SIK2: variants seen among roughly 807,000 people sequenced by gnomAD.
SIK2 encodes the protein serine/threonine-protein kinase SIK2.
In SIK2, 29 loss-of-function variants were observed where a neutral mutation model predicts 103.2. The observed-to-expected ratio is 0.28, with a 90% CI of 0.21 to 0.38. The LOEUF (loss-of-function observed/expected upper bound fraction) is 0.38, where lower values mean the gene tolerates loss of function less well. Ranked by LOEUF, SIK2 falls within the 10% of genes least tolerant of loss-of-function variation. The pLI is 1.00. For synonymous variants in SIK2, 412 were observed against 446.1 expected (o/e 0.92, Z 0.96); for missense variants, 879 against 1,171.0 (o/e 0.75, Z 3.64).
At position 111,712,385 on chromosome 11, in the gene SIK2, T is replaced by C. The variant is rs1943524626; in HGVS notation, c.1266+10T>C. 6 of 1,609,466 alleles carry C rather than the reference T, an allele frequency of 3.7e-6. No homozygotes were observed. Among genetic ancestry groups the C allele is most frequent in the South Asian group, 1.1e-5 (1 of 90,772 alleles). ...TGTGGACACTCCAAAGGTACGGCTATGTTTGAGAGTCTCAGAACTGGCAGT... is the reference window on the plus strand; with the variant it reads ...TGTGGACACTCCAAAGGTACGGCTACGTTTGAGAGTCTCAGAACTGGCAGT... On this transcript the variant is annotated intron_variant, in intron 9 of 14. Coordinates refer to ENST00000304987, the MANE Select transcript of SIK2 (RefSeq NM_015191.3).
chr11:111,679,371 A>T (rs968978672), intron 3 of SIK2, among the ~76,000 whole-genome samples: 4 of 152,234 alleles, frequency 2.6e-5, no homozygotes, highest in Non-Finnish European at 5.9e-5. Flanking sequence ...CTGATTCAGA[A>T]TCTAACAGAT....
chr11:111,724,342 CAT>C lies in SIK2; in HGVS notation c.*215_*216del. The stretch of plus-strand genomic sequence containing the variant: ...AAGTTTTCTGTGGCAAGTGCTGGAA[CAT>C]AGTTGTAGGCTGAGGCTCCTGCCCT... On this transcript the variant is annotated 3_prime_UTR_variant, in exon 15 of 15. Coordinates refer to ENST00000304987, the MANE Select transcript of SIK2 (RefSeq NM_015191.3). 1.5e-6 allele frequency: 1 copy of C among 656,466 alleles called. No individual in the cohort carries two copies. Among genetic ancestry groups the C allele is most frequent in the East Asian group, 2.9e-5 (1 of 34,612 alleles). The allele number at this position is 656,466 out of a possible 1,614,324, so 40.7% of individuals were successfully genotyped here.
chr11:111,641,176 A>G (rs1055612090), intron 3 of SIK2, among the ~76,000 whole-genome samples: 7 of 151,780 alleles, frequency 4.6e-5, no homozygotes, highest in African/African-American at 1.7e-4. Flanking sequence ...TGTCTATCTC[A>G]TTTTCCTGTC....
At chr11:111,684,671 A>C (rs1942822165) in intron 3 of SIK2, among the ~76,000 whole-genome samples, 1 of 152,224 alleles carries the variant, frequency 6.6e-6, no homozygotes, top group Admixed American at 6.5e-5. Flanking sequence ...TGTAGAAGTG[A>C]GCCTCTGGTT....
intron 2 of SIK2, among the ~76,000 whole-genome samples, chr11:111,616,608 T>C (rs1395426789): frequency 6.6e-6 from 1 of 152,114 alleles, no homozygotes; most frequent in Admixed American, 6.6e-5. Flanking sequence ...CCCAACAGTT[T>C]GGGAGGCTGA....
intron 9 of SIK2, among the ~76,000 whole-genome samples, chr11:111,712,830 A>G (rs573400130): frequency 4.9e-4 from 75 of 152,208 alleles, no homozygotes; most frequent in Non-Finnish European, 8.8e-4. Flanking sequence ...TTTTGTGATC[A>G]GTTATACATG....
intron 3 of SIK2, among the ~76,000 whole-genome samples, chr11:111,626,621 A>G (rs953302013): frequency 2.0e-5 from 3 of 146,766 alleles, no homozygotes; most frequent in Non-Finnish European, 4.5e-5. Flanking sequence ...TCTATTTTTC[A>G]TTTTCTTCAG....
At chr11:111,685,926 T>TA (rs1229226922) in intron 3 of SIK2, among the ~76,000 whole-genome samples, 1 of 152,082 alleles carries the variant, frequency 6.6e-6, no homozygotes, top group African/African-American at 2.4e-5. Flanking sequence ...CTTAATATAA[T>TA]AAAAAAATTA....
At chr11:111,685,002 G>C (rs1366053865) in intron 3 of SIK2, among the ~76,000 whole-genome samples, 1 of 152,238 alleles carries the variant, frequency 6.6e-6, no homozygotes, top group Non-Finnish European at 1.5e-5. Flanking sequence ...CTTATGCTTA[G>C]TGCTAAGCAT....
chr11:111,713,148 G>C (rs1269196265), intron 9 of SIK2, among the ~76,000 whole-genome samples: 2 of 152,116 alleles, frequency 1.3e-5, no homozygotes, highest in African/African-American at 2.4e-5. Context: ...CTGGGTGACA[G>C]AGTGAGACTC....
At chr11:111,657,509 C>A (rs569674035) in intron 3 of SIK2, among the ~76,000 whole-genome samples, 2 of 152,284 alleles carry the variant, frequency 1.3e-5, no homozygotes, top group East Asian at 1.9e-4. Flanking sequence ...CCCACCCCAG[C>A]CTCCAGAGTA....
chr11:111,616,377 A>G lies in SIK2; in HGVS notation c.252+18A>G. The G allele has an allele frequency of 7.4e-7, 1 of 1,348,772 alleles. No homozygotes were observed. Among genetic ancestry groups the G allele is most frequent in the Non-Finnish European group, 1.1e-6 (1 of 940,196 alleles). The allele number at this position is 1,348,772 out of a possible 1,614,324, so 83.6% of individuals were successfully genotyped here. ...TTTATCAGGTATGACTCAGCCTAAC[A>G]CTATCTCCATTCATTCCACAAGATA... On this transcript the variant is annotated intron_variant, in intron 2 of 14. Coordinates refer to ENST00000304987, the MANE Select transcript of SIK2 (RefSeq NM_015191.3).
intron 3 of SIK2, among the ~76,000 whole-genome samples, chr11:111,648,832 C>A (rs1942291398): frequency 6.6e-6 from 1 of 152,004 alleles, no homozygotes; most frequent in Admixed American, 6.6e-5. Flanking sequence ...AAAATAGGTA[C>A]TGTATTTTCA....
At chr11:111,626,892 G>A (rs1163667477) in intron 3 of SIK2, among the ~76,000 whole-genome samples, 1 of 152,046 alleles carries the variant, frequency 6.6e-6, no homozygotes, top group African/African-American at 2.4e-5. Flanking sequence ...CTTCAGAGCT[G>A]TTTTAATGTT....
At chr11:111,624,601 C>G (rs1394056838) in intron 3 of SIK2, among the ~76,000 whole-genome samples, 3 of 152,140 alleles carry the variant, frequency 2.0e-5, no homozygotes, top group Non-Finnish European at 2.9e-5. Context: ...AAACCAATTA[C>G]TTGTCACACA....
At chr11:111,622,154 CTATT>C (rs775934370) in intron 3 of SIK2, among the ~76,000 whole-genome samples, 16 of 149,526 alleles carry the variant, frequency 1.1e-4, no homozygotes, top group Non-Finnish European at 2.1e-4. Context: ...AAAATTGCAT[CTATT>C]TATCAATGCA....
At chr11:111,614,450 C>A (rs1186420436) in intron 1 of SIK2, among the ~76,000 whole-genome samples, 1 of 152,060 alleles carries the variant, frequency 6.6e-6, no homozygotes, top group Non-Finnish European at 1.5e-5. Flanking sequence ...CAGAAACAGT[C>A]CATTAACACA....
At chr11:111,714,001 A>C (rs1465072679) in intron 9 of SIK2, among the ~76,000 whole-genome samples, 1 of 152,190 alleles carries the variant, frequency 6.6e-6, no homozygotes, top group Admixed American at 6.5e-5. Context: ...TCAGTCCTTT[A>C]AGGAAGTATA....
At position 111,696,935 on chromosome 11, in the gene SIK2, C is replaced by T. The variant is rs182608301; in HGVS notation, c.479-3951C>T. On this transcript the variant is annotated intron_variant, in intron 4 of 14. Coordinates refer to ENST00000304987, the MANE Select transcript of SIK2 (RefSeq NM_015191.3). ...TCACTATATGCATTTAGGCAGAAAG[C>T]TGCAGACTGGGTGAAGCAAGTTATC... is the stretch of plus-strand genomic sequence containing the variant. 2.7e-3 allele frequency among the ~76,000 whole-genome samples: 404 copies of T among 152,320 alleles called. 4 individuals carry two copies. Among genetic ancestry groups the T allele is most frequent in the Non-Finnish European group, 4.3e-3 (292 of 68,018 alleles).
Sources: gnomAD v4.1 joint callset for allele counts (sites outside exome capture counted in the v4.1 genomes callset) on GRCh38, gnomAD v4.1.1 for gene constraint, MANE v1.5 for transcripts, NCBI Gene and HGNC (gene_info 2026-07-23, HGNC 2026-07-21) for gene names.